The following RPGR variants were observed in gnomAD, a reference collection of about 807,000 sequenced individuals.
RPGR encodes the protein X-linked retinitis pigmentosa GTPase regulator.
Under a neutral mutation model 56.3 loss-of-function variants are expected in RPGR, and 10 were observed. That is an observed-to-expected ratio of 0.18 (90% confidence interval 0.11 to 0.30). RPGR has a LOEUF of 0.30. Among genes scored for constraint, RPGR ranks in the 10% least tolerant of loss-of-function variants. The probability of loss-of-function intolerance (pLI) is 1.00; values close to 1 mark genes in which losing one functional copy is unlikely to be tolerated. For synonymous variants in RPGR, 197 were observed against 212.9 expected (o/e 0.93, Z 0.65); for missense variants, 538 against 590.9 (o/e 0.91, Z 0.93).
At chrX:38,318,528 A>C (rs1386881200) in intron 5 of RPGR, among the ~76,000 whole-genome samples, 1 of 110,164 alleles carries the variant, frequency 9.1e-6, no homozygotes, top group African/African-American at 3.4e-5. Flanking sequence ...AAGAGCACAC[A>C]ACAAAAATAA....
intron 17 of RPGR, chrX:38,273,500 T>C (rs2066878754): frequency 9.0e-7 from 1 of 1,115,445 alleles, no homozygotes; most frequent in Non-Finnish European, 1.2e-6. Context: ...CATTCAGAAA[T>C]ACTAGTTTTA....
chrX:38,322,739 G>A, intron 3 of RPGR, 114 bp downstream of exon 3: 1 of 577,523 alleles, frequency 1.7e-6, no homozygotes, highest in Non-Finnish European at 2.9e-6. Flanking sequence ...TAATATTCAA[G>A]CAAATGTCAG....
In RPGR at chrX:38,276,779, C is replaced by T; in HGVS notation, c.1906-7G>A. On this transcript the variant is annotated splice_polypyrimidine_tract_variant and splice_region_variant and intron_variant, in intron 15 of 18. Coordinates refer to ENST00000642395, the MANE Select transcript of RPGR (RefSeq NM_000328.3). ...TTTTAGAAAATTCATGATCCTGTGA[C>T]AAAATTGACCATCAGAGAAGAGTAA... is the stretch of plus-strand genomic sequence containing the variant. 1 of 1,187,372 alleles carries T rather than the reference C, an allele frequency of 8.4e-7. No individual in the cohort carries two copies. Among genetic ancestry groups the T allele is most frequent in the South Asian group, 1.8e-5 (1 of 56,239 alleles).
At chrX:38,295,477 T>C (rs955144756) in intron 11 of RPGR, among the ~76,000 whole-genome samples, 2 of 112,485 alleles carry the variant, frequency 1.8e-5, no homozygotes, top group Admixed American at 1.9e-4. Flanking sequence ...ATGCATATTT[T>C]CACATTCAAA....
chrX:38,313,293 A>G (rs975487624), intron 6 of RPGR, among the ~76,000 whole-genome samples: 1 of 111,601 alleles, frequency 9.0e-6, no homozygotes, highest in Non-Finnish European at 1.9e-5. Flanking sequence ...TACGTTACCA[A>G]TCATGGTCTG....
intron 10 of RPGR, chrX:38,298,337 C>A (rs1455531689): frequency 3.2e-6 from 1 of 313,141 alleles, no homozygotes; most frequent in African/African-American, 2.8e-5. Flanking sequence ...GAAGGAAAAT[C>A]TCTAAATTTA....
rs769834299 is a variant in RPGR at position 38,289,873 on chromosome X, C to T, written c.1572+1086G>A. Among the ~76,000 whole-genome samples, 6 of 112,082 alleles carry T rather than the reference C, an allele frequency of 5.4e-5. No individual in the cohort carries two copies. The South Asian group carries it at 2.2e-3, about 42-fold the overall frequency. On this transcript the variant is annotated intron_variant, in intron 13 of 18. Coordinates refer to ENST00000642395, the MANE Select transcript of RPGR (RefSeq NM_000328.3). ...AGAACTGATTTCTAAAGGCACATGCCTTTCTTTCCCTAGCACAATAAAGCA... is the reference window on the plus strand; with the variant it reads ...AGAACTGATTTCTAAAGGCACATGCTTTTCTTTCCCTAGCACAATAAAGCA...
chrX:38,310,547 T>C, intron 7 of RPGR, 68 bp downstream of exon 7: 2 of 1,073,983 alleles, frequency 1.9e-6, no homozygotes, highest in Non-Finnish European at 2.6e-6. Context: ...ATAAAAAAAA[T>C]GAACATTAAA....
chrX:38,280,319 CCCAGATCTTATCACTGGAAAATAGT>C (rs1569232093), intron 15 of RPGR, among the ~76,000 whole-genome samples: 1 of 110,802 alleles, frequency 9.0e-6, no homozygotes, highest in Admixed American at 9.7e-5. Flanking sequence ...CCCATAATGT[CCCAGATCTTATCACTGGAAAATAGT>C]TCATTTAAAA....
In RPGR at chrX:38,308,033, T is replaced by G. The variant is rs1203748267; in HGVS notation, c.778+2582A>C. 3.6e-5 allele frequency: 4 copies of G among 111,989 alleles called. No individual in the cohort carries two copies. The East Asian group carries it at 1.1e-3, about 31-fold the overall frequency. 9.2% of individuals were successfully genotyped at this position (111,989 alleles called of 1,213,427 possible). On this transcript the variant is annotated intron_variant, in intron 7 of 18. Transcript: ENST00000642395. Reference sequence around the variant, plus strand: ...TTATTCTCTGGATTGTAACACAAGCTCTTCACTGTTTACAAAGTTATTTAT... The same window carrying G: ...TTATTCTCTGGATTGTAACACAAGCGCTTCACTGTTTACAAAGTTATTTAT...
In RPGR at chrX:38,301,367, G is replaced by A. The variant is rs369916698; in HGVS notation, c.939C>T (p.Ile313=). The A allele has an allele frequency of 1.9e-5, 23 of 1,203,290 alleles. No individual in the cohort carries two copies. Among genetic ancestry groups the A allele is most frequent in the Admixed American group, 1.1e-4 (5 of 45,855 alleles). ...CATCTCCAAAAGTATACATAAGGCC[G>A]ATATCTAAAATGCAAAAATAATGAA... Residue 313 remains isoleucine, a synonymous_variant, in exon 9 of 19, where the codon ATC becomes ATT. Coordinates refer to ENST00000642395, the MANE Select transcript of RPGR (RefSeq NM_000328.3).
intron 11 of RPGR, 106 bp downstream of exon 11, chrX:38,297,178 G>C: frequency 2.3e-6 from 2 of 853,427 alleles, no homozygotes; most frequent in Non-Finnish European, 3.4e-6. Context: ...TCTAACCAGG[G>C]AGAGAACAAT....
intron 15 of RPGR, among the ~76,000 whole-genome samples, chrX:38,282,838 C>CA (rs2067056235): frequency 9.0e-6 from 1 of 110,828 alleles, no homozygotes; most frequent in Non-Finnish European, 1.9e-5. Flanking sequence ...TTGCAGCTTA[C>CA]CTTAAAGTCT....
intron 15 of RPGR, chrX:38,285,868 TCTC>T (rs774956002): frequency 5.8e-6 from 7 of 1,201,729 alleles, no homozygotes; most frequent in Middle Eastern, 2.3e-4. Context: ...TTCCCTTTCT[TCTC>T]CTTCCTCCTC....
chrX:38,297,399 C>G lies in RPGR; in HGVS notation c.1299G>C (p.Gly433=). 1 of 1,208,331 alleles carries G rather than the reference C, an allele frequency of 8.3e-7. No homozygotes were observed. Among genetic ancestry groups the G allele is most frequent in the Non-Finnish European group, 1.1e-6 (1 of 893,428 alleles). The change falls in exon 11 of 19, where the codon GGG becomes GGC. Residue 433 remains glycine, a synonymous_variant. Coordinates refer to ENST00000642395, the MANE Select transcript of RPGR (RefSeq NM_000328.3). Reference sequence around the variant, plus strand: ...GAAAACAAGCAGAAAGGCCAAGAGTCCCTTCTATTGGAGGTAGTGTTCTCC... The same window carrying G: ...GAAAACAAGCAGAAAGGCCAAGAGTGCCTTCTATTGGAGGTAGTGTTCTCC...
chrX:38,303,482 T>A (rs768535228), intron 8 of RPGR: 19 of 204,246 alleles, frequency 9.3e-5, no homozygotes, highest in Middle Eastern at 1.5e-3. Flanking sequence ...GATGACAGAT[T>A]AAAAATAGTA....
intron 3 of RPGR, among the ~76,000 whole-genome samples, chrX:38,322,441 T>A (rs1168069009): frequency 1.8e-5 from 2 of 112,438 alleles, no homozygotes; most frequent in African/African-American, 6.5e-5. Context: ...AGGATAAGTA[T>A]GTTTTATAAA....
chrX:38,324,164 G>A (rs958373619), intron 1 of RPGR, among the ~76,000 whole-genome samples: 10 of 111,825 alleles, frequency 8.9e-5, no homozygotes, highest in African/African-American at 3.3e-4. Context: ...GCTAACTGCT[G>A]CCTCGACCTC....
Position 38,275,158 on chromosome X carries a change from A to G in RPGR, c.2092-12T>C. 8.3e-7 allele frequency: 1 copy of G among 1,197,653 alleles called. No homozygotes were observed. Among genetic ancestry groups the G allele is most frequent in the Non-Finnish European group, 1.1e-6 (1 of 882,944 alleles). ...TTGGCTTTTTCTTTCTATAAACAATAACAAAGCAATATAACAAAAAATATT... is the reference window on the plus strand; with the variant it reads ...TTGGCTTTTTCTTTCTATAAACAATGACAAAGCAATATAACAAAAAATATT... On this transcript the variant is annotated splice_polypyrimidine_tract_variant and intron_variant, in intron 16 of 18. Coordinates refer to ENST00000642395, the MANE Select transcript of RPGR (RefSeq NM_000328.3).
Sources: gnomAD v4.1 joint callset for allele counts (sites outside exome capture counted in the v4.1 genomes callset) on GRCh38, gnomAD v4.1.1 for gene constraint, MANE v1.5 for transcripts, NCBI Gene and HGNC (gene_info 2026-07-23, HGNC 2026-07-21) for gene names.